The following NUDC variants were observed in gnomAD, a reference collection of about 807,000 sequenced individuals.
NUDC encodes the protein nuclear migration protein nudC.
A neutral mutation model predicts 45.0 loss-of-function variants in NUDC; 14 were observed. The ratio of observed to expected loss-of-function variants is 0.31; its 90% CI spans 0.21 to 0.49. NUDC has a LOEUF of 0.49. Ranked by LOEUF, NUDC falls within the 20% of genes least tolerant of loss-of-function variation. NUDC has a pLI of 0.99. For missense variants in NUDC, 323 were observed against 426.2 expected (o/e 0.76, Z 2.13); for synonymous variants, 153 against 156.7 (o/e 0.98, Z 0.17).
chr1:26,930,600 C>G (rs1192246470), intron 2 of NUDC, among the ~76,000 whole-genome samples: 2 of 151,884 alleles, frequency 1.3e-5, no homozygotes, highest in African/African-American at 4.8e-5. Context: ...GTCCCAGCTA[C>G]TCTGCAGACC....
intron 2 of NUDC, among the ~76,000 whole-genome samples, chr1:26,939,939 A>G (rs143716033): frequency 1.3e-5 from 2 of 152,338 alleles, no homozygotes; most frequent in South Asian, 2.1e-4. Flanking sequence ...AGAAAGAGTC[A>G]AAGTTGTTCA....
At chr1:26,922,132 C>T (rs2082096642) in intron 1 of NUDC, 5 of 604,690 alleles carry the variant, frequency 8.3e-6, no homozygotes, top group South Asian at 1.9e-5. Flanking sequence ...CCCGGCGCCC[C>T]TCAGTAGTAG....
chr1:26,936,988 A>G (rs11807093), intron 2 of NUDC, among the ~76,000 whole-genome samples: 6,421 of 152,212 alleles, frequency 0.042, 431 homozygotes, highest in African/African-American at 0.15. Flanking sequence ...TAAGTTCCAA[A>G]TTGCCTCGTG....
chr1:26,915,646 C>T (rs1185318782), intron 3 of NUDC, among the ~76,000 whole-genome samples: 4 of 152,100 alleles, frequency 2.6e-5, no homozygotes, highest in South Asian at 2.1e-4. Context: ...TGGGTTGATC[C>T]TTGAACCTCG....
At chr1:26,937,257 C>T (rs1456566909) in intron 2 of NUDC, among the ~76,000 whole-genome samples, 1 of 152,094 alleles carries the variant, frequency 6.6e-6, no homozygotes, top group African/African-American at 2.4e-5. Context: ...ACTCCAAACC[C>T]CATTGTTTAG....
chr1:26,934,793 G>A (rs957690072), intron 2 of NUDC, among the ~76,000 whole-genome samples: 1 of 151,288 alleles, frequency 6.6e-6, no homozygotes, highest in Non-Finnish European at 1.5e-5. Context: ...CAGTAGCTGG[G>A]ACTACAGGCA....
At chr1:26,932,471 G>A (rs1257625345) in intron 2 of NUDC, among the ~76,000 whole-genome samples, 1 of 151,806 alleles carries the variant, frequency 6.6e-6, no homozygotes, top group African/African-American at 2.4e-5. Context: ...GAGCCACTGC[G>A]CCCGGCCCCC....
In NUDC at chr1:26,946,601, C is replaced by G. The variant is rs1456778072; in HGVS notation, c.*420C>G. The stretch of plus-strand genomic sequence containing the variant: ...GTGTGATGGTTCATGTCTGTAATCC[C>G]AGCACTTTGGGAGGCTGAGGGGAGC... On this transcript the variant is annotated 3_prime_UTR_variant, in exon 9 of 9. Transcript: ENST00000321265. 1 of 272,940 alleles carries G rather than the reference C, an allele frequency of 3.7e-6. No homozygotes were observed. Among genetic ancestry groups the G allele is most frequent in the Admixed American group, 4.9e-5 (1 of 20,498 alleles). 16.9% of individuals were successfully genotyped at this position (272,940 alleles called of 1,614,324 possible). A position where few individuals can be genotyped will look rare whatever the true frequency, so the allele number is the denominator to read the frequency against.
At chr1:26,906,024 G>A (rs2082001337) in intron 2 of NUDC, among the ~76,000 whole-genome samples, 1 of 152,188 alleles carries the variant, frequency 6.6e-6, no homozygotes. Flanking sequence ...GCTCACGCCT[G>A]TAATCCCAGC....
At chr1:26,934,182 CA>C (rs1316267101) in intron 2 of NUDC, among the ~76,000 whole-genome samples, 2 of 152,144 alleles carry the variant, frequency 1.3e-5, no homozygotes, top group Non-Finnish European at 2.9e-5. Flanking sequence ...TTAATTGACT[CA>C]GAGTTCTGCA....
intron 6 of NUDC, among the ~76,000 whole-genome samples, chr1:26,944,102 G>T (rs527309656): frequency 2.5e-4 from 38 of 151,930 alleles, no homozygotes; most frequent in Non-Finnish European, 4.9e-4. Context: ...CACCGTGTTA[G>T]CCAGGATGGT....
upstream of NUDC, among the ~76,000 whole-genome samples, chr1:26,921,057 C>A (rs1047035074): frequency 6.6e-6 from 1 of 152,172 alleles, no homozygotes; most frequent in African/African-American, 2.4e-5. Context: ...CCTGAAAAGA[C>A]TAAGATGATG....
intron 5 of NUDC, 34 bp downstream of exon 5, chr1:26,942,810 G>A (rs201546227): frequency 3.7e-6 from 6 of 1,613,990 alleles, no homozygotes; most frequent in Non-Finnish European, 5.1e-6. Context: ...AAGCTTAGGG[G>A]GCCAGCCTGG....
At chr1:26,906,572 G>A (rs368856041) in intron 2 of NUDC, among the ~76,000 whole-genome samples, 17 of 152,284 alleles carry the variant, frequency 1.1e-4, no homozygotes, top group African/African-American at 3.6e-4. Context: ...TACGTGGGCC[G>A]GGCGTGGTGG....
intron 2 of NUDC, among the ~76,000 whole-genome samples, chr1:26,940,032 T>TA (rs747070303): frequency 6.6e-6 from 1 of 152,170 alleles, no homozygotes; most frequent in Admixed American, 6.5e-5. Context: ...GGAGGCTGGC[T>TA]AGCACATCCT....
chr1:26,932,529 C>G (rs1210185535), intron 2 of NUDC, among the ~76,000 whole-genome samples: 2 of 151,856 alleles, frequency 1.3e-5, no homozygotes, highest in African/African-American at 4.8e-5. Flanking sequence ...TACCATGTTT[C>G]CCAGGCTGGT....
chr1:26,911,803 G>C, intron 3 of NUDC: 1 of 1,613,310 alleles, frequency 6.2e-7, no homozygotes, highest in South Asian at 1.1e-5. Flanking sequence ...AATCAGCACT[G>C]CCAGCCTCTG....
At chr1:26,923,957 C>G in intron 1 of NUDC, 132 bp from the exon 2 acceptor site, 1 of 775,072 alleles carries the variant, frequency 1.3e-6, no homozygotes, top group Non-Finnish European at 2.3e-6. Context: ...GAGATAATCT[C>G]CTCAGTTGGG....
At chr1:26,923,959 T>G in intron 1 of NUDC, 130 bp from the exon 2 acceptor site, 1 of 782,968 alleles carries the variant, frequency 1.3e-6, no homozygotes, top group Middle Eastern at 2.3e-4. Context: ...GATAATCTCC[T>G]CAGTTGGGAA....
Sources: allele counts gnomAD v4.1 joint callset (sites outside exome capture counted in the v4.1 genomes callset), GRCh38; gene constraint gnomAD v4.1.1; transcripts MANE v1.5; gene names NCBI Gene and HGNC (gene_info 2026-07-23, HGNC 2026-07-21).